The following EYS variants were observed in gnomAD, a reference collection of about 807,000 sequenced individuals.
EYS encodes EGF-like photoreceptor maintenance factor.
In EYS, 250 loss-of-function variants were observed where a neutral mutation model predicts 282.1. The ratio of observed to expected loss-of-function variants is 0.89; its 90% confidence interval spans 0.80 to 0.98. EYS has a LOEUF of 0.98. EYS is among the 50% of genes least tolerant of loss of function. EYS has a pLI of 0.00. For missense variants in EYS, 4,016 were observed against 3,709.0 expected, an observed-to-expected ratio of 1.08 and a Z score of -2.15; for synonymous variants, 1,355 against 1,282.9, an observed-to-expected ratio of 1.06 and a Z score of -1.20.
chr6:64,811,792 G>A lies in EYS; in HGVS notation c.3443+1586C>T, dbSNP rs141574629. ...AACAGATGCCTATGCCATGCTCTTG[G>A]GCTTTTCAGCCACTTGAAGCATAAG... On this transcript the variant is annotated intron_variant, in intron 22 of 42. Coordinates refer to ENST00000503581, the MANE Select transcript of EYS (RefSeq NM_001142800.2). Among the ~76,000 whole-genome samples the A allele has an allele frequency of 6.6e-4, 100 of 152,026 alleles. 1 individual carries two copies. In the East Asian group the frequency reaches 0.017, roughly 27 times the overall value.
intron 12 of EYS, among the ~76,000 whole-genome samples, chr6:65,261,914 C>T (rs1448169445): frequency 6.6e-6 from 1 of 152,018 alleles, no homozygotes; most frequent in East Asian, 1.9e-4. Context: ...GAAGAATTTG[C>T]TTTTCCAATT....
chr6:64,371,440 G>A (rs1209530778), intron 29 of EYS, among the ~76,000 whole-genome samples: 1 of 151,782 alleles, frequency 6.6e-6, no homozygotes, highest in African/African-American at 2.4e-5. Flanking sequence ...GATTGTGTGG[G>A]TAATTTTAGC....
At chr6:64,871,089 G>A (rs62417102) in intron 19 of EYS, among the ~76,000 whole-genome samples, 14,021 of 151,728 alleles carry the variant, frequency 0.092, 846 homozygotes, top group East Asian at 0.32. Flanking sequence ...CATCCAAGAA[G>A]CTGGCTTATT....
intron 40 of EYS, among the ~76,000 whole-genome samples, chr6:63,774,509 C>T (rs1483919725): frequency 6.6e-6 from 1 of 152,084 alleles, no homozygotes. Flanking sequence ...TGCATATTGT[C>T]CTCAGTCACA....
At chr6:64,702,617 T>C (rs1770831459) in intron 22 of EYS, among the ~76,000 whole-genome samples, 1 of 152,110 alleles carries the variant, frequency 6.6e-6, no homozygotes, top group African/African-American at 2.4e-5. Context: ...TAATAACTGC[T>C]TTCAAAGTCC....
chr6:64,931,187 A>T (rs986920740), intron 15 of EYS, among the ~76,000 whole-genome samples: 2 of 152,026 alleles, frequency 1.3e-5, no homozygotes, highest in Non-Finnish European at 2.9e-5. Context: ...CATTTATCTA[A>T]TTTTTTTCTC....
chr6:64,998,716 A>T (rs188037196), intron 13 of EYS, among the ~76,000 whole-genome samples: 1 of 152,324 alleles, frequency 6.6e-6, no homozygotes, highest in Admixed American at 6.5e-5. Context: ...AAATAAACAG[A>T]TGTAATTGTA....
rs549031643 is a variant in EYS at position 64,268,894 on chromosome 6, C to T, written c.6192-38070G>A. Among the ~76,000 whole-genome samples the T allele has an allele frequency of 8.5e-5, 13 of 152,196 alleles. 1 individual carries two copies. In the South Asian group the frequency reaches 2.7e-3, roughly 32 times the overall value. On this transcript the variant is annotated intron_variant, in intron 30 of 42. Transcript: ENST00000503581. ...GAAGAGAGAATTGATAAATGCTGTT[C>T]ATTGCCCTAGCAGGGGATACCGCAG...
intron 2 of EYS, among the ~76,000 whole-genome samples, chr6:65,629,687 G>A (rs115621941): frequency 0.013 from 1,997 of 152,054 alleles, 18 homozygotes; most frequent in African/African-American, 0.016. Context: ...TCGAGAAGAC[G>A]GCCTTCAGGT....
intron 33 of EYS, among the ~76,000 whole-genome samples, chr6:64,003,185 T>C (rs1007116982): frequency 2.0e-5 from 3 of 152,240 alleles, no homozygotes; most frequent in Non-Finnish European, 4.4e-5. Context: ...GAGGTCATTA[T>C]GTTAAGTAAA....
chr6:64,996,052 G>A (rs376158159), intron 14 of EYS, among the ~76,000 whole-genome samples: 119 of 152,120 alleles, frequency 7.8e-4, no homozygotes, highest in Admixed American at 2.7e-3. Context: ...AAAATAAAGC[G>A]TAATTACATT....
intron 33 of EYS, among the ~76,000 whole-genome samples, chr6:64,029,098 A>T (rs1769685530): frequency 6.6e-6 from 1 of 152,148 alleles, no homozygotes; most frequent in Non-Finnish European, 1.5e-5. Context: ...GCAAATACTC[A>T]TCTAGTAGAA....
intron 12 of EYS, among the ~76,000 whole-genome samples, chr6:65,231,035 TA>T (rs906990898): frequency 3.7e-4 from 54 of 147,424 alleles, no homozygotes; most frequent in African/African-American, 1.3e-3. Flanking sequence ...CCTGCACTTG[TA>T]CCCCAAAATT....
At chr6:64,833,278 A>T (rs1765279394) in intron 19 of EYS, among the ~76,000 whole-genome samples, 1 of 151,886 alleles carries the variant, frequency 6.6e-6, no homozygotes, top group African/African-American at 2.4e-5. Flanking sequence ...ATTTTGTGAA[A>T]ACATTCGGTT....
chr6:64,765,503 T>C (rs1773295349), intron 22 of EYS, among the ~76,000 whole-genome samples: 1 of 152,200 alleles, frequency 6.6e-6, no homozygotes, highest in Admixed American at 6.5e-5. Context: ...CCTATTCTTT[T>C]GGTACCAATT....
intron 22 of EYS, among the ~76,000 whole-genome samples, chr6:64,636,223 T>C (rs1168107644): frequency 6.6e-6 from 1 of 152,150 alleles, no homozygotes; most frequent in African/African-American, 2.4e-5. Context: ...AACAGCATGG[T>C]ACTAGTACCA....
intron 30 of EYS, among the ~76,000 whole-genome samples, chr6:64,241,378 C>CT (rs1766823237): frequency 6.6e-6 from 1 of 152,172 alleles, no homozygotes; most frequent in Middle Eastern, 3.4e-3. Context: ...TGGTTTTGGA[C>CT]TTTTTTTGGT....
At chr6:64,137,962 G>C (rs535269271) in intron 31 of EYS, among the ~76,000 whole-genome samples, 1 of 152,242 alleles carries the variant, frequency 6.6e-6, no homozygotes, top group East Asian at 1.9e-4. Flanking sequence ...ACAATAAAGT[G>C]AGGCATGCCT....
chr6:65,431,176 G>C (rs1049617002), intron 5 of EYS, among the ~76,000 whole-genome samples: 1 of 152,168 alleles, frequency 6.6e-6, no homozygotes, highest in Non-Finnish European at 1.5e-5. Flanking sequence ...TTCAGAATCC[G>C]TTGTGAACTC....
Sources: allele counts gnomAD v4.1 joint callset (sites outside exome capture counted in the v4.1 genomes callset), GRCh38; gene constraint gnomAD v4.1.1; transcripts MANE v1.5; gene names NCBI Gene and HGNC (gene_info 2026-07-23, HGNC 2026-07-21).